SLC39A10: variants seen among roughly 807,000 people sequenced by gnomAD.
SLC39A10 encodes zinc transporter ZIP10.
A neutral mutation model predicts 65.1 loss-of-function variants in SLC39A10; 13 were observed. That is an observed-to-expected ratio of 0.20 (90% CI 0.13 to 0.32). The LOEUF is 0.32. Ranked by LOEUF, SLC39A10 falls within the 10% of genes least tolerant of loss-of-function variation. The pLI, the probability that SLC39A10 is intolerant of heterozygous loss-of-function variation, is 1.00. For synonymous variants in SLC39A10, 321 were observed against 342.2 expected, an observed-to-expected ratio of 0.94 and a Z score of 0.68; for missense variants, 831 against 1,018.4, an observed-to-expected ratio of 0.82 and a Z score of 2.50.
At chr2:195,707,639 A>G (rs1691456523) in intron 4 of SLC39A10, among the ~76,000 whole-genome samples, 1 of 151,654 alleles carries the variant, frequency 6.6e-6, no homozygotes, top group African/African-American at 2.4e-5. Context: ...GGCTGTGAAT[A>G]TGAAGTTTTT....
At chr2:195,648,028 T>C (rs924777665) in intron 2 of SLC39A10, among the ~76,000 whole-genome samples, 2 of 152,204 alleles carry the variant, frequency 1.3e-5, no homozygotes, top group African/African-American at 4.8e-5. Flanking sequence ...GGTCCCACTC[T>C]GTCACCCAGG....
At chr2:195,721,376 G>C (rs750537571) in intron 8 of SLC39A10, among the ~76,000 whole-genome samples, 8 of 152,154 alleles carry the variant, frequency 5.3e-5, no homozygotes, top group Non-Finnish European at 1.2e-4. Flanking sequence ...GCCTGAATCT[G>C]TTTCCTTGTT....
chr2:195,703,010 A>C (rs954139561), intron 3 of SLC39A10, among the ~76,000 whole-genome samples: 1 of 152,218 alleles, frequency 6.6e-6, no homozygotes, highest in African/African-American at 2.4e-5. Flanking sequence ...AAAATGCTGC[A>C]TATTGTATTC....
At chr2:195,621,754 A>C (rs1688353039) in intron 2 of SLC39A10, among the ~76,000 whole-genome samples, 1 of 152,212 alleles carries the variant, frequency 6.6e-6, no homozygotes, top group Non-Finnish European at 1.5e-5. Context: ...TTATAGTATG[A>C]AGTGAGCATT....
intron 2 of SLC39A10, among the ~76,000 whole-genome samples, chr2:195,630,103 A>ATGTGTGTGTGTGTGTGTGTG (rs35865354): frequency 6.8e-5 from 9 of 131,822 alleles, no homozygotes; most frequent in African/African-American, 2.6e-4. Flanking sequence ...CTCATTTTAT[A>ATGTGTGTGTGTGTGTGTGTG]TGTGTGTGTG....
chr2:195,663,804 T>C (rs78143699), intron 1 of SLC39A10, among the ~76,000 whole-genome samples: 1 of 151,358 alleles, frequency 6.6e-6, no homozygotes, highest in South Asian at 2.1e-4. Context: ...TTTTTTTTTT[T>C]CAACTTTTAT....
chr2:195,665,889 G>A (rs1218630486), intron 1 of SLC39A10, among the ~76,000 whole-genome samples: 1 of 151,904 alleles, frequency 6.6e-6, no homozygotes, highest in African/African-American at 2.4e-5. Flanking sequence ...CTGTACTCCA[G>A]TTTCTCCGTA....
rs1690248819 is a variant in SLC39A10 at position 195,680,241 on chromosome 2, C to G, written c.199C>G (p.Leu67Val). ...TGAAAAAAAATACTATATTGAAAAA[C>G]TTTTTGAGCGTTATGGTGAAAATGG... ...ENEKKYYIEK[L>V]FERYGENGRL... is the part of the protein sequence containing the mutation. The change falls in exon 2 of 10, where the codon CTT (leucine) becomes GTT (valine). Residue 67 changes from leucine to valine, a missense_variant. Physicochemically the swap from Leu to Val is conservative, Grantham distance 32. Transcript: ENST00000359634. 1 of 1,613,360 alleles carries G rather than the reference C, an allele frequency of 6.2e-7. No individual in the cohort carries two copies. The highest frequency in any genetic ancestry group is 2.2e-5 in the East Asian group (1 of 44,890).
intron 1 of SLC39A10, among the ~76,000 whole-genome samples, chr2:195,669,215 G>C (rs1240204712): frequency 6.6e-6 from 1 of 151,992 alleles, no homozygotes; most frequent in Non-Finnish European, 1.5e-5. Flanking sequence ...ACAATGTCTT[G>C]GTTTTTTCTA....
At chr2:195,620,573 T>C (rs764790592) in intron 2 of SLC39A10, among the ~76,000 whole-genome samples, 9 of 152,186 alleles carry the variant, frequency 5.9e-5, no homozygotes, top group African/African-American at 1.7e-4. Flanking sequence ...GAGAACTACA[T>C]AGGAAATCCT....
chr2:195,629,504 G>A (rs1027334911), intron 2 of SLC39A10, among the ~76,000 whole-genome samples: 1 of 151,510 alleles, frequency 6.6e-6, no homozygotes, highest in African/African-American at 2.4e-5. Flanking sequence ...TATATCTCAA[G>A]TCTGTCTCCT....
intron 2 of SLC39A10, among the ~76,000 whole-genome samples, chr2:195,617,924 A>AGAGAC (rs1373162658): frequency 6.7e-6 from 1 of 149,920 alleles, no homozygotes; most frequent in Admixed American, 6.6e-5. Flanking sequence ...TATTTTTAGT[A>AGAGAC]GAGACGGGGT....
Position 195,659,864 on chromosome 2 carries a change from C to A in SLC39A10, c.-12+2583C>A, listed in dbSNP as rs981425353. 5.3e-5 allele frequency among the ~76,000 whole-genome samples: 8 copies of A among 152,284 alleles called. No homozygotes were observed. The South Asian group carries it at 8.3e-4, about 16-fold the overall frequency. On this transcript the variant is annotated intron_variant, in intron 1 of 9. Coordinates refer to ENST00000359634, the MANE Select transcript of SLC39A10 (RefSeq NM_020342.3). The stretch of plus-strand genomic sequence containing the variant: ...TCTGCGTTCTTTTTCTCCCTCCACT[C>A]CCTCCTTGACTACCCCCAGAATGAG...
rs187398086 is a variant in SLC39A10 at position 195,702,456 on chromosome 2, A to G, written c.1217-4160A>G. ...ACATTTTACCATCGAGCTTTCCCCT[A>G]GAAGTTGCAAGCCTTCAATAGACTA... is the stretch of plus-strand genomic sequence containing the variant. On this transcript the variant is annotated intron_variant, in intron 3 of 9. Coordinates refer to ENST00000359634, the MANE Select transcript of SLC39A10 (RefSeq NM_020342.3). Among the ~76,000 whole-genome samples, 5 of 152,324 alleles carry G rather than the reference A, an allele frequency of 3.3e-5. No homozygotes were observed. In the East Asian group the frequency reaches 5.8e-4, roughly 18 times the overall value.
Position 195,706,723 on chromosome 2 carries a change from T to G in SLC39A10, c.1324T>G (p.Phe442Val). The change falls in exon 4 of 10, where the codon TTC becomes GTC. Residue 442 changes from phenylalanine (F) to valine (V), a missense_variant. Phe to Val is a conservative substitution (Grantham distance 50, BLOSUM62 -1). This residue lies in a region of SLC39A10 where 35 missense variants were observed against 72.4 expected (regional missense o/e 0.48). Coordinates refer to ENST00000359634, the MANE Select transcript of SLC39A10 (RefSeq NM_020342.3). ...NQGCFKFLLT[F>V]LVALAVGTMS... is the part of the protein sequence containing the mutation. ...AGGATGCTTCAAATTCCTTCTTACATTCCTTGTTGCATTAGCTGTAGGAAC... is the reference window on the plus strand; with the variant it reads ...AGGATGCTTCAAATTCCTTCTTACAGTCCTTGTTGCATTAGCTGTAGGAAC... 1 of 1,606,564 alleles carries G rather than the reference T, an allele frequency of 6.2e-7. No homozygotes were observed. The highest frequency in any genetic ancestry group is 8.5e-7 in the Non-Finnish European group (1 of 1,176,562).
chr2:195,693,160 C>A (rs890187610), intron 3 of SLC39A10, among the ~76,000 whole-genome samples: 2 of 152,154 alleles, frequency 1.3e-5, no homozygotes, highest in African/African-American at 4.8e-5. Context: ...ATTCCTGCAT[C>A]CCTAGTATGA....
At chr2:195,642,077 G>A (rs1688822075) in intron 2 of SLC39A10, among the ~76,000 whole-genome samples, 1 of 152,132 alleles carries the variant, frequency 6.6e-6, no homozygotes, top group African/African-American at 2.4e-5. Flanking sequence ...TTGTTTGTCA[G>A]CGAAATTGTT....
At chr2:195,681,151 A>G in intron 2 of SLC39A10, 101 bp downstream of exon 2, 1 of 1,162,138 alleles carries the variant, frequency 8.6e-7, no homozygotes, top group Non-Finnish European at 1.2e-6. Flanking sequence ...AATCATATTT[A>G]AACTTATTTC....
At chr2:195,660,535 C>T (rs924706123) in intron 1 of SLC39A10, among the ~76,000 whole-genome samples, 1 of 152,162 alleles carries the variant, frequency 6.6e-6, no homozygotes, top group African/African-American at 2.4e-5. Context: ...GTTTAAATTA[C>T]AATTAGATTT....
Sources: allele counts gnomAD v4.1 joint callset (sites outside exome capture counted in the v4.1 genomes callset), GRCh38; gene constraint gnomAD v4.1.1; regional missense constraint gnomAD v4.1.1; transcripts MANE v1.5; gene names NCBI Gene and HGNC (gene_info 2026-07-23, HGNC 2026-07-21).